KCTD16: variants seen among roughly 807,000 people sequenced by gnomAD.
KCTD16 encodes the protein BTB/POZ domain-containing protein KCTD16.
Under a neutral mutation model 33.2 loss-of-function variants are expected in KCTD16, and 13 were observed. That is an observed-to-expected ratio of 0.39 (90% CI 0.25 to 0.62). The LOEUF (loss-of-function observed/expected upper bound fraction) is 0.62, where lower values mean the gene tolerates loss of function less well. Among genes scored for constraint, KCTD16 ranks in the 20% least tolerant of loss-of-function variants. The probability of loss-of-function intolerance (pLI) is 0.50; values close to 1 mark genes in which losing one functional copy is unlikely to be tolerated. For missense variants in KCTD16, 441 were observed against 525.1 expected (o/e 0.84, Z 1.57); for synonymous variants, 197 against 195.3 (o/e 1.01, Z -0.07).
At chr5:144,363,122 A>G (rs1210175092) in intron 3 of KCTD16, among the ~76,000 whole-genome samples, 1 of 152,076 alleles carries the variant, frequency 6.6e-6, no homozygotes, top group African/African-American at 2.4e-5. Context: ...GAGGCAGATC[A>G]CTTGAGGTCA....
At chr5:144,447,168 C>G (rs994259768) in intron 3 of KCTD16, among the ~76,000 whole-genome samples, 7 of 152,116 alleles carry the variant, frequency 4.6e-5, no homozygotes, top group African/African-American at 1.7e-4. Context: ...AAATGCCCAT[C>G]AATGTTAGAC....
chr5:144,477,009 C>A lies in KCTD16; in HGVS notation c.*2895C>A, dbSNP rs1392667077. The A allele has an allele frequency of 1.3e-5, 2 of 151,858 alleles. No individual in the cohort carries two copies. Among genetic ancestry groups the A allele is most frequent in the African/African-American group, 4.8e-5 (2 of 41,346 alleles). The allele number at this position is 151,858 out of a possible 1,614,324, so 9.4% of individuals were successfully genotyped here. On this transcript the variant is annotated 3_prime_UTR_variant, in exon 4 of 4. Coordinates refer to ENST00000512467, the MANE Select transcript of KCTD16 (RefSeq NM_020768.4). ...GGGAATCACATGTGTAGAGCCCCAA[C>A]TTAGATTGCCTTCTGGGAAATCCCG...
At chr5:144,452,566 TAAAAATATGGA>T (rs1753969876) in intron 3 of KCTD16, among the ~76,000 whole-genome samples, 1 of 151,872 alleles carries the variant, frequency 6.6e-6, no homozygotes, top group Non-Finnish European at 1.5e-5. Flanking sequence ...TATCTCTATT[TAAAAATATGGA>T]CGGGAAAGAG....
intron 3 of KCTD16, among the ~76,000 whole-genome samples, chr5:144,345,321 T>C (rs956665068): frequency 5.3e-5 from 8 of 152,118 alleles, no homozygotes; most frequent in Middle Eastern, 3.4e-3. Context: ...AAGCTGCACA[T>C]TGTGCACATG....
chr5:144,226,592 T>G (rs1212348498), intron 3 of KCTD16, among the ~76,000 whole-genome samples: 1 of 151,990 alleles, frequency 6.6e-6, no homozygotes, highest in East Asian at 1.9e-4. Flanking sequence ...TTTTTTTTTT[T>G]GACAGGGTCT....
chr5:144,391,553 A>G (rs1752449215), intron 3 of KCTD16, among the ~76,000 whole-genome samples: 1 of 152,186 alleles, frequency 6.6e-6, no homozygotes, highest in South Asian at 2.1e-4. Flanking sequence ...TGAGAAACAG[A>G]TGTACAGTCA....
intron 3 of KCTD16, among the ~76,000 whole-genome samples, chr5:144,428,942 G>C (rs1730899159): frequency 6.6e-6 from 1 of 152,128 alleles, no homozygotes; most frequent in Non-Finnish European, 1.5e-5. Context: ...AACATCAGTT[G>C]GCAAGAATAA....
intron 3 of KCTD16, among the ~76,000 whole-genome samples, chr5:144,456,388 A>G (rs1754063213): frequency 6.6e-6 from 1 of 152,186 alleles, no homozygotes; most frequent in Non-Finnish European, 1.5e-5. Flanking sequence ...CCTCTCTCTC[A>G]GCTCACTAAG....
chr5:144,228,080 T>C (rs1479659962), intron 3 of KCTD16, among the ~76,000 whole-genome samples: 4 of 152,100 alleles, frequency 2.6e-5, no homozygotes, highest in African/African-American at 4.8e-5. Context: ...GCTTAAGATA[T>C]AAAGCTGGGA....
At chr5:144,370,636 G>A (rs1286934526) in intron 3 of KCTD16, among the ~76,000 whole-genome samples, 2 of 152,100 alleles carry the variant, frequency 1.3e-5, no homozygotes, top group Non-Finnish European at 2.9e-5. Flanking sequence ...GTTTATAAAG[G>A]AAAGAATCTG....
At chr5:144,211,760 A>G (rs901032672) in intron 3 of KCTD16, among the ~76,000 whole-genome samples, 1 of 152,136 alleles carries the variant, frequency 6.6e-6, no homozygotes, top group Non-Finnish European at 1.5e-5. Flanking sequence ...TTCAAAGTGA[A>G]ACATCAGGGA....
At chr5:144,250,910 T>C (rs1215234443) in intron 3 of KCTD16, among the ~76,000 whole-genome samples, 4 of 152,196 alleles carry the variant, frequency 2.6e-5, no homozygotes, top group Admixed American at 2.0e-4. Flanking sequence ...CATATGGTAA[T>C]TGAAAAATAA....
At chr5:144,304,339 G>A (rs4912969) in intron 3 of KCTD16, among the ~76,000 whole-genome samples, 32,715 of 152,144 alleles carry the variant, frequency 0.22, 3,950 homozygotes, top group Non-Finnish European at 0.28. Context: ...TCTTTCTGCT[G>A]CACTTAGCTT....
rs890840220 is a variant in KCTD16 at position 144,231,927 on chromosome 5, A to G, written c.832+24381A>G. On this transcript the variant is annotated intron_variant, in intron 3 of 3. Coordinates refer to ENST00000512467, the MANE Select transcript of KCTD16 (RefSeq NM_020768.4). The stretch of plus-strand genomic sequence containing the variant: ...CGTGAGAACAGACTAATACACTATC[A>G]TATTTCATATATCTATACTGTGTCA... Among the ~76,000 whole-genome samples, 31 of 152,300 alleles carry G rather than the reference A, an allele frequency of 2.0e-4. 1 individual carries two copies. The East Asian group carries it at 4.4e-3, about 22-fold the overall frequency.
chr5:144,229,416 G>C (rs977542010), intron 3 of KCTD16, among the ~76,000 whole-genome samples: 6 of 152,006 alleles, frequency 3.9e-5, no homozygotes, highest in African/African-American at 1.2e-4. Context: ...GCTTATGGAG[G>C]GTCAATGAAT....
At chr5:144,320,981 A>G (rs1472990165) in intron 3 of KCTD16, among the ~76,000 whole-genome samples, 3 of 151,920 alleles carry the variant, frequency 2.0e-5, no homozygotes, top group Non-Finnish European at 4.4e-5. Context: ...TCAGCCTCCT[A>G]AGTAGCTGGG....
At chr5:144,398,460 C>T (rs1752627881) in intron 3 of KCTD16, among the ~76,000 whole-genome samples, 1 of 152,126 alleles carries the variant, frequency 6.6e-6, no homozygotes, top group Admixed American at 6.5e-5. Context: ...TGCTAATTTA[C>T]ATAGTTAGAG....
intron 3 of KCTD16, among the ~76,000 whole-genome samples, chr5:144,324,169 A>T (rs922970745): frequency 1.3e-5 from 2 of 152,140 alleles, no homozygotes; most frequent in African/African-American, 4.8e-5. Context: ...GCCTCCTTCC[A>T]TCTCCTACAT....
intron 3 of KCTD16, among the ~76,000 whole-genome samples, chr5:144,261,870 G>C (rs939567214): frequency 6.6e-6 from 1 of 152,060 alleles, no homozygotes; most frequent in Non-Finnish European, 1.5e-5. Context: ...CCCAAAAGCT[G>C]AATGAGGACA....
Sources: gnomAD v4.1 joint callset for allele counts (sites outside exome capture counted in the v4.1 genomes callset) on GRCh38, gnomAD v4.1.1 for gene constraint, MANE v1.5 for transcripts, NCBI Gene and HGNC (gene_info 2026-07-23, HGNC 2026-07-21) for gene names.